Variants in EGFR observed in about 807,000 individuals in gnomAD.
EGFR encodes the protein avian erythroblastic leukemia viral (v-erb-b) oncogene homolog.
Under a neutral mutation model 143.0 loss-of-function variants are expected in EGFR, and 58 were observed. The ratio of observed to expected loss-of-function variants is 0.41; its 90% CI spans 0.33 to 0.50. EGFR has a LOEUF of 0.50. Among genes scored for constraint, EGFR ranks in the 20% least tolerant of loss-of-function variants. The pLI, the probability that EGFR is intolerant of heterozygous loss-of-function variation, is 0.39. For synonymous variants in EGFR, 613 were observed against 594.4 expected, an observed-to-expected ratio of 1.03 and a Z score of -0.45; for missense variants, 1,307 against 1,579.0, an observed-to-expected ratio of 0.83 and a Z score of 2.92.
chr7:55,205,958 T>C lies in EGFR; in HGVS notation c.*341T>C. 1 of 415,952 alleles carries C rather than the reference T, an allele frequency of 2.4e-6. No homozygotes were observed. The highest frequency in any genetic ancestry group is 2.6e-5 in the South Asian group (1 of 38,052). 25.8% of individuals were successfully genotyped at this position (415,952 alleles called of 1,614,324 possible). ...GATTGGGGATCTTGGAGTTTTTCAT[T>C]GTCGCTATTGATTTTTACTTCAATG... On this transcript the variant is annotated 3_prime_UTR_variant, in exon 28 of 28. Transcript: ENST00000275493.
intron 16 of EGFR, 67 bp downstream of exon 16, chr7:55,171,280 T>C (rs1786338283): frequency 3.1e-6 from 5 of 1,596,288 alleles, no homozygotes. Context: ...TGGGTGAAGA[T>C]GCTTTCCTGC....
At chr7:55,156,043 T>TA in intron 8 of EGFR, 97 bp downstream of exon 8, 2 of 865,064 alleles carry the variant, frequency 2.3e-6, no homozygotes, top group African/African-American at 1.7e-5. Flanking sequence ...CTCTTCTCAT[T>TA]AAAAAACAAC....
chr7:55,087,540 G>A (rs765621129), intron 1 of EGFR, among the ~76,000 whole-genome samples: 1 of 152,180 alleles, frequency 6.6e-6, no homozygotes, highest in Non-Finnish European at 1.5e-5. Context: ...ATGTTTAAAA[G>A]GTATGGCAAA....
chr7:55,173,562 G>A (rs371026230), intron 17 of EGFR, among the ~76,000 whole-genome samples: 38 of 152,338 alleles, frequency 2.5e-4, no homozygotes, highest in East Asian at 2.3e-3. Context: ...GCAACCCAGC[G>A]GCTCATAAGC....
chr7:55,198,929 G>C (rs2128969065), intron 23 of EGFR, 66 bp downstream of exon 23: 1 of 1,601,098 alleles, frequency 6.2e-7, no homozygotes, highest in Non-Finnish European at 8.5e-7. Context: ...TAGCCAAACA[G>C]CTGAGGCCTT....
rs181191669 is a variant in EGFR, at chr7:55,160,349, G to A, written c.1498+11G>A. The A allele has an allele frequency of 9.9e-6, 16 of 1,611,740 alleles. No individual in the cohort carries two copies. Among genetic ancestry groups the A allele is most frequent in the African/African-American group, 1.3e-5 (1 of 75,054 alleles). ...GTGAAAACAGCTGCAGTAAGTCACCGCTTTCTGTTTAGTTTATGGAGTTGG... is the reference window on the plus strand; with the variant it reads ...GTGAAAACAGCTGCAGTAAGTCACCACTTTCTGTTTAGTTTATGGAGTTGG... On this transcript the variant is annotated intron_variant, in intron 12 of 27. Transcript: ENST00000275493.
chr7:55,159,611 C>G (rs990840933), intron 11 of EGFR, among the ~76,000 whole-genome samples: 1 of 152,220 alleles, frequency 6.6e-6, no homozygotes, highest in Non-Finnish European at 1.5e-5. Flanking sequence ...ACTCACTGTG[C>G]TCTTCACACC....
chr7:55,205,297 G>A lies in EGFR; in HGVS notation c.3313G>A (p.Val1105Met), dbSNP rs1583665277. Reference protein sequence around the residue: ...QSVPKRPAGSVQNPVYHNQPL... With the variant: ...QSVPKRPAGSMQNPVYHNQPL... The stretch of plus-strand genomic sequence containing the variant: ...CGTTCCCAAAAGGCCCGCTGGCTCT[G>A]TGCAGAATCCTGTCTATCACAATCA... The change falls in exon 28 of 28, where the codon GTG becomes ATG. Residue 1105 changes from valine (V) to methionine (M), a missense_variant. Physicochemically the swap from Val to Met is conservative, Grantham distance 21. Around this residue, in one of 7 missense-constraint regions of EGFR, gnomAD observed 313 missense variants for 312.3 expected, o/e 1.00. Transcript: ENST00000275493. The A allele has an allele frequency of 1.9e-6, 3 of 1,612,832 alleles. No individual in the cohort carries two copies. Among genetic ancestry groups the A allele is most frequent in the Non-Finnish European group, 1.7e-6 (2 of 1,179,438 alleles).
chr7:55,128,538 G>A (rs375735158), intron 1 of EGFR, among the ~76,000 whole-genome samples: 6 of 152,276 alleles, frequency 3.9e-5, no homozygotes, highest in East Asian at 1.9e-4. Flanking sequence ...AAGAATATAC[G>A]ACGTGTGTTC....
chr7:55,110,836 C>G (rs536138845), intron 1 of EGFR, among the ~76,000 whole-genome samples: 25 of 152,140 alleles, frequency 1.6e-4, no homozygotes, highest in Non-Finnish European at 3.2e-4. Flanking sequence ...ATCTTGGGCC[C>G]AGGTGTGAAG....
Position 55,146,758 on chromosome 7 carries a change from A to T in EGFR, c.559+18A>T. On this transcript the variant is annotated intron_variant, in intron 4 of 27. Coordinates refer to ENST00000275493, the MANE Select transcript of EGFR (RefSeq NM_005228.5). ...GGGCAGCTGTAAGTGTCGCATACACACTATCTCTGCCTCCAGCTCCTATGG... is the reference window on the plus strand; with the variant it reads ...GGGCAGCTGTAAGTGTCGCATACACTCTATCTCTGCCTCCAGCTCCTATGG... 1 of 1,614,136 alleles carries T rather than the reference A, an allele frequency of 6.2e-7. No individual in the cohort carries two copies. The highest frequency in any genetic ancestry group is 2.2e-5 in the East Asian group (1 of 44,886).
intron 1 of EGFR, among the ~76,000 whole-genome samples, chr7:55,046,432 G>A (rs1446935118): frequency 6.6e-6 from 1 of 152,092 alleles, no homozygotes; most frequent in African/African-American, 2.4e-5. Context: ...ACTCTTCAGA[G>A]AGCCCACTGT....
At chr7:55,184,844 G>C (rs1000898267) in intron 20 of EGFR, among the ~76,000 whole-genome samples, 8 of 152,184 alleles carry the variant, frequency 5.3e-5, no homozygotes, top group Non-Finnish European at 1.2e-4. Flanking sequence ...TCCCCAAATT[G>C]TGACAATAGA....
At chr7:55,046,264 G>A (rs758824360) in intron 1 of EGFR, among the ~76,000 whole-genome samples, 7 of 152,032 alleles carry the variant, frequency 4.6e-5, no homozygotes, top group Non-Finnish European at 7.4e-5. Context: ...TTACTTTTGC[G>A]GCTGTGTTTC....
At chr7:55,074,585 AT>A (rs1458715574) in intron 1 of EGFR, among the ~76,000 whole-genome samples, 16 of 152,386 alleles carry the variant, frequency 1.0e-4, no homozygotes, top group Non-Finnish European at 2.2e-4. Flanking sequence ...TATTTTAAAT[AT>A]CGTCTTGCTT....
rs534472647 is a variant in EGFR, at chr7:55,029,702, G to A, written c.88+10337G>A. Among the ~76,000 whole-genome samples, 30 of 152,250 alleles carry A rather than the reference G, an allele frequency of 2.0e-4. No individual in the cohort carries two copies. In the South Asian group the frequency reaches 5.4e-3, roughly 27 times the overall value. On this transcript the variant is annotated intron_variant, in intron 1 of 27. Transcript: ENST00000275493. ...TTGTTAAGGGAGTTTTTCTTAGTAC[G>A]CGGCTTAACATATTTTTTTCTGTAA...
chr7:55,093,288 C>T (rs770920935), intron 1 of EGFR, among the ~76,000 whole-genome samples: 8 of 152,056 alleles, frequency 5.3e-5, no homozygotes, highest in Non-Finnish European at 7.4e-5. Flanking sequence ...TTCTGATTTC[C>T]GTGTTTGAAA....
intron 1 of EGFR, among the ~76,000 whole-genome samples, chr7:55,124,794 C>T (rs1041163683): frequency 1.3e-5 from 2 of 152,230 alleles, no homozygotes; most frequent in Non-Finnish European, 2.9e-5. Context: ...GCCTCCAGTG[C>T]TCCTACTACC....
At chr7:55,114,968 G>A (rs1792745865) in intron 1 of EGFR, among the ~76,000 whole-genome samples, 2 of 142,200 alleles carry the variant, frequency 1.4e-5, no homozygotes, top group African/African-American at 5.2e-5. Flanking sequence ...TGCAAGCTCC[G>A]CCTCCCAGGT....
Sources: allele counts gnomAD v4.1 joint callset (sites outside exome capture counted in the v4.1 genomes callset), GRCh38; gene constraint gnomAD v4.1.1; regional missense constraint gnomAD v4.1.1; transcripts MANE v1.5; gene names NCBI Gene and HGNC (gene_info 2026-07-23, HGNC 2026-07-21).